GALNTL6: variants seen among roughly 807,000 people sequenced by gnomAD.
GALNTL6 encodes the protein polypeptide N-acetylgalactosaminyltransferase-like 6.
In GALNTL6, 46 loss-of-function variants were observed where a neutral mutation model predicts 73.7. The ratio of observed to expected loss-of-function variants is 0.62; its 90% confidence interval spans 0.49 to 0.80. The LOEUF is 0.80. Among genes scored for constraint, GALNTL6 ranks in the 30% least tolerant of loss-of-function variants. The pLI is 0.00. For missense variants in GALNTL6, 604 were observed against 755.0 expected (o/e 0.80, Z 2.34); for synonymous variants, 259 against 263.7 (o/e 0.98, Z 0.17).
In GALNTL6 at chr4:173,037,276, A is replaced by C. The variant is rs534935231; in HGVS notation, c.1639-2657A>C. 2.0e-5 allele frequency among the ~76,000 whole-genome samples: 3 copies of C among 152,328 alleles called. No individual in the cohort carries two copies. In the East Asian group the frequency reaches 5.8e-4, roughly 29 times the overall value. On this transcript the variant is annotated intron_variant, in intron 12 of 12. Transcript: ENST00000506823. ...CTCTGTCACTAGTGACCTTTGGAATAAAATGCTCATTCAATTTTATGACTA... is the reference window on the plus strand; with the variant it reads ...CTCTGTCACTAGTGACCTTTGGAATCAAATGCTCATTCAATTTTATGACTA...
chr4:172,606,564 T>TATACATAGTATATGTATATATATAC (rs1342765858), intron 5 of GALNTL6, among the ~76,000 whole-genome samples: 1 of 136,296 alleles, frequency 7.3e-6, no homozygotes, highest in Non-Finnish European at 1.5e-5. Flanking sequence ...TATATATATA[T>TATACATAGTATATGTATATATATAC]ACATATACAT....
chr4:172,433,215 C>A (rs959022302), intron 5 of GALNTL6, among the ~76,000 whole-genome samples: 3 of 151,980 alleles, frequency 2.0e-5, no homozygotes, highest in East Asian at 3.9e-4. Context: ...TGCTTTAATT[C>A]TATTTTAAGC....
At chr4:172,166,429 G>C (rs377130853) in intron 2 of GALNTL6, among the ~76,000 whole-genome samples, 1 of 151,556 alleles carries the variant, frequency 6.6e-6, no homozygotes, top group South Asian at 2.1e-4. Flanking sequence ...CTGGGTGACA[G>C]AGCAAGACTC....
intron 2 of GALNTL6, among the ~76,000 whole-genome samples, chr4:171,898,880 T>C (rs1737001698): frequency 6.6e-6 from 1 of 152,016 alleles, no homozygotes; most frequent in Admixed American, 6.5e-5. Context: ...AAATAAACTA[T>C]GGGGAACAAT....
At position 172,809,515 on chromosome 4, in the gene GALNTL6, G is replaced by A; in HGVS notation, c.708G>A (p.Glu236=). Residue 236 remains glutamate (E), a synonymous_variant, in exon 6 of 13, where the codon GAG becomes GAA. Transcript: ENST00000506823. This position sits in a 1 kb window ranked among gnomAD's most constrained non-coding sequence, Gnocchi z 4.4. ...TGACATTCCTGGACTCCCACTGCGAGGTCAATGTGAACTGGCTGCCCCCAC... is the reference window on the plus strand; with the variant it reads ...TGACATTCCTGGACTCCCACTGCGAAGTCAATGTGAACTGGCTGCCCCCAC... ...EVLTFLDSHC[E]VNVNWLPPLL... The A allele has an allele frequency of 6.2e-7, 1 of 1,613,378 alleles. No homozygotes were observed. Among genetic ancestry groups the A allele is most frequent in the Non-Finnish European group, 8.5e-7 (1 of 1,179,658 alleles).
chr4:172,538,257 G>A (rs566750693), intron 5 of GALNTL6, among the ~76,000 whole-genome samples: 2 of 151,936 alleles, frequency 1.3e-5, no homozygotes, highest in African/African-American at 4.8e-5. Context: ...TCAGGAGATC[G>A]AGACCATCCT....
intron 7 of GALNTL6, among the ~76,000 whole-genome samples, chr4:172,849,911 G>T (rs1047105773): frequency 5.3e-5 from 8 of 152,154 alleles, no homozygotes; most frequent in African/African-American, 1.9e-4. Context: ...CACTCAGGTT[G>T]TCGAGAATCT....
At chr4:172,852,084 G>A (rs1447322184) in intron 7 of GALNTL6, among the ~76,000 whole-genome samples, 1 of 152,162 alleles carries the variant, frequency 6.6e-6, no homozygotes, top group Non-Finnish European at 1.5e-5. Flanking sequence ...CATAAGAAGT[G>A]TCTAGGCATT....
intron 7 of GALNTL6, among the ~76,000 whole-genome samples, chr4:172,823,468 A>G (rs1200504412): frequency 6.6e-6 from 1 of 152,240 alleles, no homozygotes; most frequent in Non-Finnish European, 1.5e-5. Flanking sequence ...AAGACACTCA[A>G]CAATATTTAT....
At chr4:172,370,524 G>A (rs544699443) in intron 5 of GALNTL6, among the ~76,000 whole-genome samples, 9 of 151,578 alleles carry the variant, frequency 5.9e-5, no homozygotes, top group South Asian at 4.2e-4. Flanking sequence ...CCAGCTACTC[G>A]GGTGGCTGAG....
At chr4:172,219,188 ATT>A (rs1736591679) in intron 2 of GALNTL6, among the ~76,000 whole-genome samples, 1 of 57,730 alleles carries the variant, frequency 1.7e-5, no homozygotes, top group Non-Finnish European at 3.5e-5. Context: ...AATATGTCAG[ATT>A]AAGCAAGTGT....
chr4:172,852,710 A>AT (rs1743900835), intron 7 of GALNTL6, among the ~76,000 whole-genome samples: 1 of 152,102 alleles, frequency 6.6e-6, no homozygotes, highest in Admixed American at 6.5e-5. Context: ...ACATAGGACT[A>AT]TTATAAATTT....
Position 172,181,972 on chromosome 4 carries a change from C to T in GALNTL6, c.139-47684C>T, listed in dbSNP as rs550430593. On this transcript the variant is annotated intron_variant, in intron 2 of 12. Coordinates refer to ENST00000506823, the MANE Select transcript of GALNTL6 (RefSeq NM_001034845.3). ...GACCTCATGATCCGCCTGACTCGGCCTCCCAAAGTGCTGGGATTACAGGAG... is the reference window on the plus strand; with the variant it reads ...GACCTCATGATCCGCCTGACTCGGCTTCCCAAAGTGCTGGGATTACAGGAG... Among the ~76,000 whole-genome samples the T allele has an allele frequency of 2.0e-5, 3 of 152,222 alleles. No homozygotes were observed. The South Asian group carries it at 6.2e-4, about 32-fold the overall frequency.
At position 173,010,919 on chromosome 4, in the gene GALNTL6, T is replaced by C. The variant is rs555954018; in HGVS notation, c.1488+1625T>C. On this transcript the variant is annotated intron_variant, in intron 11 of 12. Coordinates refer to ENST00000506823, the MANE Select transcript of GALNTL6 (RefSeq NM_001034845.3). ...CACGCCCAGCCAATTTTTAGTTTTT[T>C]GAGGAACCTCCAAACTGTTCTCCAT... Among the ~76,000 whole-genome samples the C allele has an allele frequency of 7.9e-5, 12 of 152,284 alleles. No homozygotes were observed. In the South Asian group the frequency reaches 2.3e-3, roughly 29 times the overall value.
rs1560945829 is a variant in GALNTL6 at position 172,156,568 on chromosome 4, C to CTATATATATATATATACTATATATAT, written c.139-73088_139-73087insTATATATATATATATACTATATATAT. Among the ~76,000 whole-genome samples the CTATATATATATATATACTATATATAT allele has an allele frequency of 2.5e-3, 288 of 115,784 alleles. 10 individuals carry two copies. The highest frequency in any genetic ancestry group is 0.01 in the African/African-American group (275 of 26,916). 76.0% of individuals were successfully genotyped at this position (115,784 alleles called of 152,430 possible). A position where few individuals can be genotyped will look rare whatever the true frequency, so the allele number is the denominator to read the frequency against. ...ATATATATATATATATATATATATACATACTATATATATATAGTATATTGT... is the reference window on the plus strand; with the variant it reads ...ATATATATATATATATATATATATACTATATATATATATATACTATATATATATACTATATATATATAGTATATTGT... On this transcript the variant is annotated intron_variant, in intron 2 of 12. Transcript: ENST00000506823.
At chr4:172,932,299 A>G (rs1227137837) in intron 9 of GALNTL6, among the ~76,000 whole-genome samples, 1 of 152,226 alleles carries the variant, frequency 6.6e-6, no homozygotes, top group Non-Finnish European at 1.5e-5. Flanking sequence ...TATTTGTTGA[A>G]AGAATTAATT....
At chr4:172,762,171 A>G (rs547580876) in intron 5 of GALNTL6, among the ~76,000 whole-genome samples, 9 of 152,310 alleles carry the variant, frequency 5.9e-5, no homozygotes, top group African/African-American at 2.2e-4. Flanking sequence ...TATTTTGTAG[A>G]TTTTCATTTT....
intron 2 of GALNTL6, among the ~76,000 whole-genome samples, chr4:172,180,032 CA>C (rs1409864397): frequency 6.6e-6 from 1 of 152,216 alleles, no homozygotes; most frequent in African/African-American, 2.4e-5. Context: ...CTGTCTTCCA[CA>C]ATGGTTGAAC....
At chr4:172,654,414 C>T (rs1330610193) in intron 5 of GALNTL6, among the ~76,000 whole-genome samples, 4 of 152,174 alleles carry the variant, frequency 2.6e-5, no homozygotes, top group African/African-American at 9.7e-5. Flanking sequence ...TTCACTAATC[C>T]TTTCCAAGGG....
Sources: allele counts gnomAD v4.1 joint callset (sites outside exome capture counted in the v4.1 genomes callset), GRCh38; gene constraint gnomAD v4.1.1; non-coding constraint Gnocchi (gnomAD v3.1); transcripts MANE v1.5; gene names NCBI Gene and HGNC (gene_info 2026-07-23, HGNC 2026-07-21).